IMMP2L: variants seen among roughly 807,000 people sequenced by gnomAD.
IMMP2L encodes mitochondrial inner membrane protease subunit 2.
A neutral mutation model predicts 19.3 loss-of-function variants in IMMP2L; 18 were observed. The observed-to-expected ratio is 0.93, with a 90% CI of 0.64 to 1.38. IMMP2L has a LOEUF of 1.38. Ranked by LOEUF, IMMP2L falls within the 40% of genes most tolerant of loss-of-function variation. The pLI, the probability that IMMP2L is intolerant of heterozygous loss-of-function variation, is 0.00. For missense variants in IMMP2L, 233 were observed against 218.2 expected (o/e 1.07, Z -0.43); for synonymous variants, 76 against 73.0 (o/e 1.04, Z -0.21).
intron 4 of IMMP2L, among the ~76,000 whole-genome samples, chr7:110,943,762 C>T (rs1353769874): frequency 6.6e-6 from 1 of 151,958 alleles, no homozygotes; most frequent in Non-Finnish European, 1.5e-5. Flanking sequence ...CTGACTGACA[C>T]GGGGCCCATT....
intron 3 of IMMP2L, among the ~76,000 whole-genome samples, chr7:111,268,745 C>T (rs1219213733): frequency 1.3e-5 from 2 of 151,338 alleles, no homozygotes; most frequent in Non-Finnish European, 2.9e-5. Context: ...AGGCGAGCAC[C>T]ACCATGCCTG....
At chr7:111,131,574 A>G (rs1161275874) in intron 3 of IMMP2L, among the ~76,000 whole-genome samples, 1 of 152,002 alleles carries the variant, frequency 6.6e-6, no homozygotes, top group Non-Finnish European at 1.5e-5. Context: ...GAGGTGTGGG[A>G]AAATGAACAT....
intron 4 of IMMP2L, among the ~76,000 whole-genome samples, chr7:110,904,467 T>C (rs1390344280): frequency 5.9e-5 from 9 of 152,202 alleles, no homozygotes; most frequent in African/African-American, 9.6e-5. Flanking sequence ...ATTTTGCATG[T>C]GGATATCCAG....
intron 2 of IMMP2L, among the ~76,000 whole-genome samples, chr7:111,495,554 C>T (rs990340983): frequency 6.6e-6 from 1 of 152,072 alleles, no homozygotes; most frequent in African/African-American, 2.4e-5. Context: ...ATCCTAAATC[C>T]TCAGCTTGTG....
At chr7:111,070,054 A>G (rs759787865) in intron 3 of IMMP2L, among the ~76,000 whole-genome samples, 1 of 152,164 alleles carries the variant, frequency 6.6e-6, no homozygotes, top group Non-Finnish European at 1.5e-5. Flanking sequence ...ACAGATTTAC[A>G]GGTTGGAAGG....
chr7:111,107,090 T>C (rs1798630928), intron 3 of IMMP2L, among the ~76,000 whole-genome samples: 1 of 151,998 alleles, frequency 6.6e-6, no homozygotes, highest in African/African-American at 2.4e-5. Context: ...CAGATGCTCA[T>C]GAATAGACAA....
chr7:110,902,190 T>G (rs948893923), intron 4 of IMMP2L, among the ~76,000 whole-genome samples: 1 of 151,958 alleles, frequency 6.6e-6, no homozygotes, highest in Non-Finnish European at 1.5e-5. Flanking sequence ...AAAAACCTTA[T>G]GTTTAAGAGA....
intron 4 of IMMP2L, among the ~76,000 whole-genome samples, chr7:110,894,455 G>A (rs928303983): frequency 3.3e-5 from 5 of 152,152 alleles, no homozygotes; most frequent in African/African-American, 1.2e-4. Flanking sequence ...GTTTTAATTT[G>A]CATTTTCCTA....
chr7:111,492,293 A>G (rs1376919926), intron 2 of IMMP2L: 1 of 550,058 alleles, frequency 1.8e-6, no homozygotes, highest in Admixed American at 6.4e-5. Context: ...ATCCTATTCC[A>G]GCCCACTCCA....
At chr7:110,746,617 TA>T (rs898077364) in intron 5 of IMMP2L, among the ~76,000 whole-genome samples, 23 of 152,152 alleles carry the variant, frequency 1.5e-4, no homozygotes, top group African/African-American at 5.6e-4. Context: ...ACTGCACAAC[TA>T]TATAGAAACT....
intron 4 of IMMP2L, among the ~76,000 whole-genome samples, chr7:110,913,333 G>C (rs1443648349): frequency 1.3e-5 from 2 of 151,992 alleles, no homozygotes; most frequent in Non-Finnish European, 2.9e-5. Flanking sequence ...ATGCCAAGGA[G>C]CTAAATGTGA....
At chr7:111,500,253 G>C (rs1204571822) in intron 2 of IMMP2L, among the ~76,000 whole-genome samples, 2 of 152,174 alleles carry the variant, frequency 1.3e-5, no homozygotes, top group African/African-American at 4.8e-5. Flanking sequence ...CAGCGAGGCT[G>C]GGGAAGGGGC....
chr7:111,505,819 G>T (rs187045781), intron 2 of IMMP2L, among the ~76,000 whole-genome samples: 45 of 152,110 alleles, frequency 3.0e-4, no homozygotes, highest in African/African-American at 9.4e-4. Context: ...GGGGACTGTT[G>T]TGGGGTGGGG....
At chr7:110,820,595 C>G (rs1802936972) in intron 5 of IMMP2L, among the ~76,000 whole-genome samples, 1 of 151,940 alleles carries the variant, frequency 6.6e-6, no homozygotes, top group Non-Finnish European at 1.5e-5. Flanking sequence ...CCCACTCACC[C>G]ATAACAGTTC....
At chr7:111,330,119 T>C (rs1396323334) in intron 3 of IMMP2L, among the ~76,000 whole-genome samples, 1 of 151,054 alleles carries the variant, frequency 6.6e-6, no homozygotes, top group Non-Finnish European at 1.5e-5. Flanking sequence ...GACCAGAAAA[T>C]TTTAAAAGGA....
intron 3 of IMMP2L, among the ~76,000 whole-genome samples, chr7:111,349,863 T>C (rs1827966803): frequency 6.6e-6 from 1 of 152,082 alleles, no homozygotes; most frequent in Non-Finnish European, 1.5e-5. Flanking sequence ...TCAAAATAAA[T>C]GTCTCTTCTC....
intron 3 of IMMP2L, among the ~76,000 whole-genome samples, chr7:111,448,134 C>T (rs1838713837): frequency 1.5e-5 from 2 of 137,320 alleles, no homozygotes; most frequent in South Asian, 2.2e-4. Context: ...CCACTGTCAA[C>T]ATTAGACAGA....
intron 3 of IMMP2L, among the ~76,000 whole-genome samples, chr7:111,388,533 C>G (rs1453859152): frequency 6.6e-6 from 1 of 151,814 alleles, no homozygotes; most frequent in Non-Finnish European, 1.5e-5. Flanking sequence ...ATGTATTAGT[C>G]CGTTTTCATG....
intron 3 of IMMP2L, among the ~76,000 whole-genome samples, chr7:111,077,544 G>A (rs7790427): frequency 0.94 from 143,417 of 152,200 alleles, 67,758 homozygotes; most frequent in East Asian, 0.99. Context: ...CTGGAATACT[G>A]TCATCTCTCA....
Sources: allele counts gnomAD v4.1 joint callset (sites outside exome capture counted in the v4.1 genomes callset), GRCh38; gene constraint gnomAD v4.1.1; transcripts MANE v1.5; gene names NCBI Gene and HGNC (gene_info 2026-07-23, HGNC 2026-07-21).